The following CHST9 variants were observed in gnomAD, a reference collection of about 807,000 sequenced individuals.
CHST9 encodes the protein carbohydrate sulfotransferase 9.
A neutral mutation model predicts 44.4 loss-of-function variants in CHST9; 41 were observed. The observed-to-expected ratio is 0.92, with a 90% CI of 0.72 to 1.20. The LOEUF (loss-of-function observed/expected upper bound fraction) is 1.20. Among genes scored for constraint, CHST9 ranks in the 50% most tolerant of loss-of-function variants. The pLI, the probability that CHST9 is intolerant of heterozygous loss-of-function variation, is 0.00. For synonymous variants in CHST9, 171 were observed against 178.4 expected (o/e 0.96, Z 0.33); for missense variants, 504 against 516.5 (o/e 0.98, Z 0.23).
At chr18:27,159,230 T>C (rs1269176233) in intron 1 of CHST9, among the ~76,000 whole-genome samples, 1 of 152,248 alleles carries the variant, frequency 6.6e-6, no homozygotes, top group Non-Finnish European at 1.5e-5. Context: ...TCTAGGGGTT[T>C]TATGGTTTTA....
intron 3 of CHST9, among the ~76,000 whole-genome samples, chr18:27,029,559 A>G (rs951076740): frequency 3.3e-5 from 5 of 152,130 alleles, no homozygotes; most frequent in African/African-American, 1.2e-4. Flanking sequence ...GTTCTGGGGC[A>G]CCCTGCAAAC....
intron 2 of CHST9, among the ~76,000 whole-genome samples, chr18:27,065,492 T>G (rs935616340): frequency 2.6e-5 from 4 of 152,112 alleles, no homozygotes; most frequent in Non-Finnish European, 4.4e-5. Context: ...ATTTTGGTTA[T>G]TCAAGTGAGA....
At chr18:27,040,071 A>G (rs1036082224) in intron 3 of CHST9, among the ~76,000 whole-genome samples, 1 of 152,240 alleles carries the variant, frequency 6.6e-6, no homozygotes, top group East Asian at 1.9e-4. Flanking sequence ...TTGTTTCTAT[A>G]CAGTGTGAAA....
At chr18:26,988,735 C>A (rs896238767) in intron 4 of CHST9, among the ~76,000 whole-genome samples, 1 of 152,112 alleles carries the variant, frequency 6.6e-6, no homozygotes, top group Non-Finnish European at 1.5e-5. Flanking sequence ...TAGGATAATA[C>A]ACACTTTTCA....
rs1270740064 is a variant in CHST9 at position 27,137,298 on chromosome 18, TTA to T, written c.121+5389_121+5390del. On this transcript the variant is annotated intron_variant, in intron 2 of 5. Transcript: ENST00000618847. ...ATATAATCTGTATATATTGATTTATTTATATATGTGTGTGTGTGTGTGTGTGT... is the reference window on the plus strand; with the variant it reads ...ATATAATCTGTATATATTGATTTATTTATATGTGTGTGTGTGTGTGTGTGT... Among the ~76,000 whole-genome samples, 36 of 35,300 alleles carry T rather than the reference TTA, an allele frequency of 1.0e-3. 1 individual carries two copies. The highest frequency in any genetic ancestry group is 6.4e-3 in the Admixed American group (19 of 2,982). The allele number at this position is 35,300 out of a possible 152,430, so 23.2% of individuals were successfully genotyped here. A position where few individuals can be genotyped will look rare whatever the true frequency, so the allele number is the denominator to read the frequency against.
intron 4 of CHST9, among the ~76,000 whole-genome samples, chr18:26,991,664 G>A (rs1009902596): frequency 3.0e-5 from 2 of 66,990 alleles, no homozygotes; most frequent in Admixed American, 3.9e-4. Flanking sequence ...AAACTAAGAA[G>A]CACCTGCCAG....
intron 2 of CHST9, among the ~76,000 whole-genome samples, chr18:27,053,224 A>G (rs546837635): frequency 2.1e-4 from 10 of 47,258 alleles, no homozygotes; most frequent in South Asian, 8.5e-4. Context: ...AAGAGGAAGA[A>G]GAAGAAGAAG....
Position 26,916,534 on chromosome 18 carries a change from C to G in CHST9, c.1057G>C (p.Val353Leu). ...AAACACGGATAGCAGAGTTTGCTGACCTTTTCCCAGTGAATGTCCATTCCT... is the reference window on the plus strand; with the variant it reads ...AAACACGGATAGCAGAGTTTGCTGAGCTTTTCCCAGTGAATGTCCATTCCT... ...PVGMDIHWEK[V>L]SKLCYPCLIN... is the part of the protein sequence containing the mutation. Residue 353 changes from valine (V) to leucine (L), a missense_variant, in exon 6 of 6, where the codon GTC becomes CTC. Transcript: ENST00000618847. The G allele has an allele frequency of 6.2e-7, 1 of 1,613,872 alleles. No individual in the cohort carries two copies. Among genetic ancestry groups the G allele is most frequent in the East Asian group, 2.2e-5 (1 of 44,878 alleles).
chr18:27,149,123 A>G lies in CHST9; in HGVS notation c.-96-6218T>C, dbSNP rs182426679. Among the ~76,000 whole-genome samples the G allele has an allele frequency of 6.9e-4, 86 of 125,514 alleles. 8 individuals carry two copies. The highest frequency in any genetic ancestry group is 4.6e-3 in the East Asian group (16 of 3,502). The allele number at this position is 125,514 out of a possible 152,430, so 82.3% of individuals were successfully genotyped here. On this transcript the variant is annotated intron_variant, in intron 1 of 5. Coordinates refer to ENST00000618847, the MANE Select transcript of CHST9 (RefSeq NM_031422.6). Reference sequence around the variant, plus strand: ...TGGGGTTGTTTGTTTTTTTCTTGTAAATTTGTTTGAGTTCATTGTAGATTC... The same window carrying G: ...TGGGGTTGTTTGTTTTTTTCTTGTAGATTTGTTTGAGTTCATTGTAGATTC...
intron 5 of CHST9, chr18:26,933,163 G>A (rs1484997546): frequency 2.0e-5 from 3 of 153,788 alleles, no homozygotes; most frequent in Non-Finnish European, 4.4e-5. Flanking sequence ...GTTCAGCCCA[G>A]TAACTTGGGA....
At chr18:27,167,723 G>A (rs1171302527) in intron 1 of CHST9, among the ~76,000 whole-genome samples, 1 of 152,198 alleles carries the variant, frequency 6.6e-6, no homozygotes, top group African/African-American at 2.4e-5. Flanking sequence ...TGGGTAAAGG[G>A]CACAGGAGAC....
At chr18:27,100,339 A>G (rs2058159098) in intron 2 of CHST9, among the ~76,000 whole-genome samples, 1 of 152,180 alleles carries the variant, frequency 6.6e-6, no homozygotes, top group African/African-American at 2.4e-5. Context: ...GGGATCATTT[A>G]TACCTCAAAC....
chr18:27,089,887 T>C (rs2058051229), intron 2 of CHST9, among the ~76,000 whole-genome samples: 1 of 149,154 alleles, frequency 6.7e-6, no homozygotes, highest in South Asian at 2.1e-4. Flanking sequence ...CTGGGCTCAG[T>C]GCAAGCTCCG....
intron 2 of CHST9, among the ~76,000 whole-genome samples, chr18:27,056,456 A>T (rs1342505245): frequency 6.6e-6 from 1 of 152,186 alleles, no homozygotes; most frequent in Non-Finnish European, 1.5e-5. Context: ...TTGTAGCTCT[A>T]CCACTTGATC....
In CHST9 at chr18:26,908,825, T is replaced by C. The variant is rs978897054; in HGVS notation, c.*7434A>G. 6.6e-6 allele frequency: 1 copy of C among 152,220 alleles called. No individual in the cohort carries two copies. Among genetic ancestry groups the C allele is most frequent in the African/African-American group, 2.4e-5 (1 of 41,462 alleles). 9.4% of individuals were successfully genotyped at this position (152,220 alleles called of 1,614,324 possible). A position where few individuals can be genotyped will look rare whatever the true frequency, so the allele number is the denominator to read the frequency against. ...ATACATTATAACCATTTAAGTTAAA[T>C]TGCAAAATATTTCCTGGGGCACTTG... is the stretch of plus-strand genomic sequence containing the variant. On this transcript the variant is annotated 3_prime_UTR_variant, in exon 6 of 6. Coordinates refer to ENST00000618847, the MANE Select transcript of CHST9 (RefSeq NM_031422.6).
chr18:27,155,117 C>G (rs932750088), intron 1 of CHST9, among the ~76,000 whole-genome samples: 3 of 146,984 alleles, frequency 2.0e-5, no homozygotes, highest in African/African-American at 7.4e-5. Flanking sequence ...GAAGTAACCT[C>G]TATGTGCTTC....
rs75291888 is a variant in CHST9, at chr18:27,036,850, T to C, written c.160+11615A>G. On this transcript the variant is annotated intron_variant, in intron 3 of 5. Transcript: ENST00000618847. ...AGATTTTACATGTACGATACAGTAT[T>C]GTGAACTGTAGGTATGATGCTGTCC... 5.3e-3 allele frequency among the ~76,000 whole-genome samples: 805 copies of C among 152,314 alleles called. 7 individuals carry two copies. The highest frequency in any genetic ancestry group is 0.019 in the African/African-American group (779 of 41,558).
chr18:27,081,597 G>A (rs942107910), intron 2 of CHST9, among the ~76,000 whole-genome samples: 2 of 151,988 alleles, frequency 1.3e-5, no homozygotes, highest in African/African-American at 2.4e-5. Flanking sequence ...TTATATTTAC[G>A]TTTCCTGGGT....
At chr18:26,975,238 C>T (rs2056602883) in intron 4 of CHST9, among the ~76,000 whole-genome samples, 1 of 152,120 alleles carries the variant, frequency 6.6e-6, no homozygotes, top group Non-Finnish European at 1.5e-5. Context: ...GGGGAAGAGA[C>T]ATAGGGAACA....
Sources: allele counts gnomAD v4.1 joint callset (sites outside exome capture counted in the v4.1 genomes callset), GRCh38; gene constraint gnomAD v4.1.1; transcripts MANE v1.5; gene names NCBI Gene and HGNC (gene_info 2026-07-23, HGNC 2026-07-21).